Variants in CEP350 observed in about 807,000 individuals in gnomAD.
The protein encoded by CEP350 is centrosomal protein 350.
CEP350 carries 126 observed loss-of-function variants against 331.8 expected under a neutral mutation model. The observed-to-expected ratio is 0.38, with a 90% CI of 0.33 to 0.44. The LOEUF (loss-of-function observed/expected upper bound fraction) is 0.44. Among genes scored for constraint, CEP350 ranks in the 20% least tolerant of loss-of-function variants. CEP350 has a pLI of 1.00. For synonymous variants in CEP350, 1,200 were observed against 1,259.5 expected (o/e 0.95, Z 1.00); for missense variants, 3,406 against 3,634.6 (o/e 0.94, Z 1.62).
intron 21 of CEP350, 115 bp downstream of exon 21, chr1:180,044,288 C>T (rs1256355744): frequency 2.9e-6 from 3 of 1,044,352 alleles, no homozygotes; most frequent in Non-Finnish European, 3.8e-6. Context: ...AGTGTGTGCC[C>T]TTCAAAGTGC....
chr1:179,996,452 A>AT, intron 5 of CEP350, 101 bp from the exon 6 acceptor site: 9 of 820,592 alleles, frequency 1.1e-5, no homozygotes, highest in Non-Finnish European at 1.7e-5. Context: ...CCTCATTCTT[A>AT]TTTTTTTGTG....
At chr1:180,001,692 C>T (rs1390266929) in intron 6 of CEP350, among the ~76,000 whole-genome samples, 6 of 152,074 alleles carry the variant, frequency 3.9e-5, no homozygotes, top group Admixed American at 1.3e-4. Context: ...ACAATTTGTC[C>T]GTATAAACGG....
Position 180,036,991 on chromosome 1 carries a change from G to A in CEP350, c.4012G>A (p.Ala1338Thr), listed in dbSNP as rs144496193. Residue 1338 changes from alanine to threonine, a missense_variant, in exon 17 of 38, where the codon GCC becomes ACC. This residue lies in a region of CEP350 where 1,857 missense variants were observed against 1,909.2 expected (regional missense o/e 0.97). Transcript: ENST00000367607. ...RMAAELSYLN[A>T]IEESVRQLSD... ...GGCAGCAGAACTCAGTTATCTGAAC[G>A]CCATTGAGGAGTCGGTGCGCCAACT... 101 of 1,597,124 alleles carry A rather than the reference G, an allele frequency of 6.3e-5. No homozygotes were observed. The African/African-American group carries it at 1.3e-3, about 20-fold the overall frequency.
intron 17 of CEP350, 105 bp downstream of exon 17, chr1:180,037,194 T>G: frequency 9.9e-7 from 1 of 1,007,844 alleles, no homozygotes; most frequent in African/African-American, 1.7e-5. Context: ...AAAAAAATAG[T>G]CTGCCATATA....
chr1:180,065,018 T>C, intron 26 of CEP350, 97 bp from the exon 27 acceptor site: 4 of 1,267,924 alleles, frequency 3.2e-6, no homozygotes, highest in Non-Finnish European at 4.2e-6. Context: ...GTTATAAACA[T>C]TGTATTGTGG....
At chr1:180,044,259 T>A in intron 21 of CEP350, 86 bp downstream of exon 21, 2 of 1,323,938 alleles carry the variant, frequency 1.5e-6, no homozygotes, top group Non-Finnish European at 2.0e-6. Context: ...TTTCTTAATC[T>A]TGTTTATTTA....
intron 6 of CEP350, among the ~76,000 whole-genome samples, chr1:179,999,801 A>G (rs1035586660): frequency 6.6e-6 from 1 of 152,156 alleles, no homozygotes; most frequent in Non-Finnish European, 1.5e-5. Flanking sequence ...TTATACAGTT[A>G]TTAGCATACT....
intron 21 of CEP350, among the ~76,000 whole-genome samples, chr1:180,047,269 A>C (rs1657178007): frequency 6.6e-6 from 1 of 152,220 alleles, no homozygotes; most frequent in African/African-American, 2.4e-5. Flanking sequence ...AAATGTAAGG[A>C]GGAGAAAGCT....
In CEP350 at chr1:180,087,537, A is replaced by G. The variant is rs191557405; in HGVS notation, c.6286-41A>G. 5.0e-5 allele frequency: 74 copies of G among 1,482,278 alleles called. No individual in the cohort carries two copies. The African/African-American group carries it at 9.9e-4, about 20-fold the overall frequency. 91.8% of individuals were successfully genotyped at this position (1,482,278 alleles called of 1,614,324 possible). A position where few individuals can be genotyped will look rare whatever the true frequency, so the allele number is the denominator to read the frequency against. ...ATTTTATAATTTAAAATAAGTTTTA[A>G]AAATTCTGCCTAGTGACTCCTCTGG... On this transcript the variant is annotated intron_variant, in intron 31 of 37. Coordinates refer to ENST00000367607, the MANE Select transcript of CEP350 (RefSeq NM_014810.5).
rs962737596 is a variant in CEP350, at chr1:179,996,819, C to G, written c.662C>G (p.Thr221Ser). Residue 221 changes from threonine to serine, a missense_variant, in exon 6 of 38, where the codon ACT becomes AGT. Thr to Ser is a moderately conservative substitution (Grantham distance 58). Around this residue, in one of 5 missense-constraint regions of CEP350, gnomAD observed 1,857 missense variants for 1,909.2 expected, o/e 0.97. Coordinates refer to ENST00000367607, the MANE Select transcript of CEP350 (RefSeq NM_014810.5). ...ATTAGGATGGGAGCTTCTATGAGAA[C>G]TGAGGAAGAAATGCCTAACAGAACA... The part of the protein sequence containing the change: ...CLIRMGASMR[T>S]EEEMPNRTKG... 3.7e-6 allele frequency: 6 copies of G among 1,613,520 alleles called. No homozygotes were observed. In the Admixed American group the frequency reaches 6.7e-5, roughly 18 times the overall value.
At chr1:180,039,158 G>A (rs1336968161) in intron 17 of CEP350, among the ~76,000 whole-genome samples, 2 of 151,736 alleles carry the variant, frequency 1.3e-5, no homozygotes, top group South Asian at 2.1e-4. Context: ...GTAGCGGTTG[G>A]CTAAGGCAGG....
Position 180,033,877 on chromosome 1 carries a change from G to A in CEP350, c.3741G>A (p.Lys1247=), listed in dbSNP as rs968307755. 6.2e-7 allele frequency: 1 copy of A among 1,613,798 alleles called. No individual in the cohort carries two copies. ...AAACTTCTAGTGTCTCATCAGATAAGGGAAGATCTCAGAAAACTCCAACTT... is the reference window on the plus strand; with the variant it reads ...AAACTTCTAGTGTCTCATCAGATAAAGGAAGATCTCAGAAAACTCCAACTT... The part of the protein sequence containing the change: ...SGHSVSVSSD[K]GRSQKTPTSP... Residue 1247 remains lysine, a synonymous_variant, in exon 16 of 38, where the codon AAG becomes AAA. Coordinates refer to ENST00000367607, the MANE Select transcript of CEP350 (RefSeq NM_014810.5).
At chr1:180,064,645 A>G (rs544877214) in intron 26 of CEP350, among the ~76,000 whole-genome samples, 1 of 152,328 alleles carries the variant, frequency 6.6e-6, no homozygotes, top group African/African-American at 2.4e-5. Context: ...TGTTTTGCAT[A>G]AGGAATATTC....
At chr1:180,026,682 C>A (rs373155851) in intron 14 of CEP350, among the ~76,000 whole-genome samples, 1 of 152,178 alleles carries the variant, frequency 6.6e-6, no homozygotes, top group Admixed American at 6.5e-5. Context: ...ATCAATTTGA[C>A]TACTCTGCGT....
chr1:180,050,799 A>G (rs1253543225), intron 22 of CEP350, among the ~76,000 whole-genome samples: 2 of 152,238 alleles, frequency 1.3e-5, no homozygotes, highest in Non-Finnish European at 2.9e-5. Flanking sequence ...GACACAGGAA[A>G]AAGTCTTCAA....
In CEP350 at chr1:180,109,464, A is replaced by G. The variant is rs79781816; in HGVS notation, c.9190-1533A>G. ...GATGAAACTATGATCAGGGCAAGCC[A>G]GGAGCATGTTGTCACTTGGCTTTTT... is the stretch of plus-strand genomic sequence containing the variant. On this transcript the variant is annotated intron_variant, in intron 37 of 37. Coordinates refer to ENST00000367607, the MANE Select transcript of CEP350 (RefSeq NM_014810.5). 7.3e-3 allele frequency among the ~76,000 whole-genome samples: 1,111 copies of G among 152,150 alleles called. 13 individuals are homozygous for G. Among genetic ancestry groups the G allele is most frequent in the African/African-American group, 0.025 (1,043 of 41,504 alleles).
chr1:179,996,719 G>C lies in CEP350; in HGVS notation c.562G>C (p.Val188Leu). ...TGATTTTGAGAGCTCCCAATCATCTGTCATCAATGATACAGTTGTTAGGTT... is the reference window on the plus strand; with the variant it reads ...TGATTTTGAGAGCTCCCAATCATCTCTCATCAATGATACAGTTGTTAGGTT... ...SCDFESSQSS[V>L]INDTVVRFLN... Residue 188 changes from valine (V) to leucine (L), a missense_variant, in exon 6 of 38, where the codon GTC becomes CTC. Coordinates refer to ENST00000367607, the MANE Select transcript of CEP350 (RefSeq NM_014810.5). 1 of 1,613,558 alleles carries C rather than the reference G, an allele frequency of 6.2e-7. No individual in the cohort carries two copies. Among genetic ancestry groups the C allele is most frequent in the African/African-American group, 1.3e-5 (1 of 75,036 alleles).
chr1:180,093,528 C>G lies in CEP350; in HGVS notation c.7423C>G (p.His2475Asp), dbSNP rs1256108651. 1.9e-6 allele frequency: 3 copies of G among 1,613,348 alleles called. No individual in the cohort carries two copies. Among genetic ancestry groups the G allele is most frequent in the Non-Finnish European group, 2.5e-6 (3 of 1,179,574 alleles). The part of the protein sequence containing the change: ...MKSKERSDVE[H>D]EQQVTESPSL... ...AAGTAAGGAGCGCAGTGATGTGGAG[C>G]ATGAACAGCAAGTTACTGAATCCCC... The change falls in exon 34 of 38, where the codon CAT becomes GAT. Residue 2475 changes from histidine to aspartate, a missense_variant. Around this residue, in one of 5 missense-constraint regions of CEP350, gnomAD observed 1,415 missense variants for 1,512.3 expected, o/e 0.94. Transcript: ENST00000367607.
intron 25 of CEP350, among the ~76,000 whole-genome samples, chr1:180,060,653 A>T (rs1387842386): frequency 6.6e-6 from 1 of 152,132 alleles, no homozygotes. Flanking sequence ...ACTCTAAAAA[A>T]TTTTAAAAAT....
Sources: gnomAD v4.1 joint callset for allele counts (sites outside exome capture counted in the v4.1 genomes callset) on GRCh38, gnomAD v4.1.1 for gene constraint, gnomAD v4.1.1 regional missense constraint, MANE v1.5 for transcripts, NCBI Gene and HGNC (gene_info 2026-07-23, HGNC 2026-07-21) for gene names.